The following RER1 variants were observed in gnomAD, a reference collection of about 807,000 sequenced individuals.
RER1 encodes the protein protein RER1.
RER1 carries 6 observed loss-of-function variants against 28.3 expected under a neutral mutation model. That is an observed-to-expected ratio of 0.21 (90% CI 0.12 to 0.42). The LOEUF is 0.42. Ranked by LOEUF, RER1 falls within the 10% of genes least tolerant of loss-of-function variation. RER1 has a pLI of 1.00. For synonymous variants in RER1, 110 were observed against 95.9 expected (o/e 1.15, Z -0.86); for missense variants, 159 against 252.9 (o/e 0.63, Z 2.52).
chr1:2,401,336 CTCCTTCT>C, intron 5 of RER1, among the ~76,000 whole-genome samples: 1 of 25,178 alleles, frequency 4.0e-5, no homozygotes, highest in Non-Finnish European at 8.2e-5. Context: ...CTCCTCCTCC[CTCCTTCT>C]CCCTCCTTCC....
At chr1:2,398,084 C>T (rs561661571) in intron 3 of RER1, among the ~76,000 whole-genome samples, 10 of 152,320 alleles carry the variant, frequency 6.6e-5, no homozygotes, top group African/African-American at 9.6e-5. Flanking sequence ...GAGCAGGGGG[C>T]GGGAAGAGTG....
At chr1:2,394,260 T>C (rs1169557090) in intron 1 of RER1, 1 of 152,256 alleles carries the variant, frequency 6.6e-6, no homozygotes, top group Non-Finnish European at 1.5e-5. Context: ...AGCCTGGCAC[T>C]CTGCACAGAG....
At chr1:2,396,376 C>T (rs2840532) in intron 2 of RER1, 86,337 of 154,738 alleles carry the variant, frequency 0.56, 24,619 homozygotes, top group Middle Eastern at 0.62. Context: ...CTTGGGTCAC[C>T]GGCAGTTCCA....
At chr1:2,400,568 C>G (rs2100404907) in intron 4 of RER1, among the ~76,000 whole-genome samples, 1 of 152,314 alleles carries the variant, frequency 6.6e-6, no homozygotes, top group Admixed American at 6.5e-5. Flanking sequence ...TTCTTCTGTG[C>G]CTTTACGTGG....
intron 4 of RER1, among the ~76,000 whole-genome samples, 164 bp downstream of exon 4, chr1:2,399,678 C>G (rs1000366264): frequency 6.6e-6 from 1 of 152,188 alleles, no homozygotes; most frequent in Non-Finnish European, 1.5e-5. Flanking sequence ...ACTCTTCAAA[C>G]CCTCCTGACA....
intron 5 of RER1, among the ~76,000 whole-genome samples, chr1:2,401,230 T>TCCC (rs1375271457): frequency 2.0e-4 from 13 of 65,910 alleles, no homozygotes; most frequent in Non-Finnish European, 3.6e-4. Flanking sequence ...TCCTCCTCCC[T>TCCC]TCCTCCCTCC....
intron 4 of RER1, among the ~76,000 whole-genome samples, chr1:2,400,170 G>T (rs906998405): frequency 6.6e-6 from 1 of 152,228 alleles, no homozygotes; most frequent in African/African-American, 2.4e-5. Context: ...GCCATTGAGG[G>T]AAAACCCACA....
chr1:2,402,912 G>A (rs959277068), intron 6 of RER1, 123 bp from the exon 7 acceptor site: 5 of 759,296 alleles, frequency 6.6e-6, no homozygotes, highest in Non-Finnish European at 1.1e-5. Flanking sequence ...AGCCACTGGG[G>A]CTCCGATTCC....
rs1642914052 is a variant in RER1 at position 2,403,887 on chromosome 1, C to CG, written c.*765dup. On this transcript the variant is annotated 3_prime_UTR_variant, in exon 7 of 7. Coordinates refer to ENST00000605895, the MANE Select transcript of RER1 (RefSeq NM_007033.5). Reference sequence around the variant, plus strand: ...AGACTGGCTTTGTAGGTTCAGCACTCGGCCCCCCACTGCGGGAGAGGCGGA... The same window carrying CG: ...AGACTGGCTTTGTAGGTTCAGCACTCGGGCCCCCCACTGCGGGAGAGGCGGA... 6.6e-6 allele frequency: 1 copy of CG among 152,434 alleles called. No individual in the cohort carries two copies. 9.4% of individuals were successfully genotyped at this position (152,434 alleles called of 1,614,324 possible). A position where few individuals can be genotyped will look rare whatever the true frequency, so the allele number is the denominator to read the frequency against.
Position 2,395,727 on chromosome 1 carries a change from A to G in RER1, c.-7-57A>G, listed in dbSNP as rs1340435388. ...TGACAGTGTTGGTGAAAATAGGGCC[A>G]GGATTTCACACCCGTGAATGCTTTT... On this transcript the variant is annotated intron_variant, in intron 1 of 6. Coordinates refer to ENST00000605895, the MANE Select transcript of RER1 (RefSeq NM_007033.5). 14 of 1,241,702 alleles carry G rather than the reference A, an allele frequency of 1.1e-5. No homozygotes were observed. The Admixed American group carries it at 2.2e-4, about 20-fold the overall frequency. The allele number at this position is 1,241,702 out of a possible 1,614,324, so 76.9% of individuals were successfully genotyped here.
intron 1 of RER1, among the ~76,000 whole-genome samples, chr1:2,393,791 A>G (rs1376366305): frequency 6.6e-6 from 1 of 152,148 alleles, no homozygotes; most frequent in African/African-American, 2.4e-5. Flanking sequence ...GCGTTCAGTC[A>G]GGGTGCAAGC....
intron 5 of RER1, 84 bp downstream of exon 5, chr1:2,401,019 A>T: frequency 8.3e-7 from 1 of 1,200,128 alleles, no homozygotes; most frequent in Non-Finnish European, 1.2e-6. Context: ...TGTTCAAGTC[A>T]CCTGAAAGAT....
chr1:2,396,453 G>A (rs765111709), intron 2 of RER1: 3 of 152,670 alleles, frequency 2.0e-5, no homozygotes, highest in Non-Finnish European at 2.9e-5. Flanking sequence ...AAAGCGATTG[G>A]CGATTAATGA....
rs1234561126 is a variant in RER1, at chr1:2,402,377, A to G, written c.501+35A>G. On this transcript the variant is annotated intron_variant, in intron 6 of 6. Coordinates refer to ENST00000605895, the MANE Select transcript of RER1 (RefSeq NM_007033.5). ...AGGCGCTGCCGCCACGCCGGCCGCA[A>G]TCGCTGTTCTGTTACCCGCAGCATT... 1.5e-5 allele frequency: 24 copies of G among 1,613,402 alleles called. No homozygotes were observed. In the Middle Eastern group the frequency reaches 6.6e-4, roughly 44 times the overall value.
intron 2 of RER1, chr1:2,396,145 C>T (rs1385794394): frequency 2.3e-6 from 1 of 427,196 alleles, no homozygotes; most frequent in Admixed American, 3.6e-5. Context: ...TCTCAGCTCC[C>T]AGGCAGGACA....
In RER1 at chr1:2,391,848, C is replaced by A. The variant is rs1048463908; in HGVS notation, c.-118C>A. ...CCGCGGAGGACGGAGCGGAAGTGCT[C>A]GCTGCAGCTTCCCGGAGCCGGAGCG... is the stretch of plus-strand genomic sequence containing the variant. On this transcript the variant is annotated 5_prime_UTR_variant, in exon 1 of 7. Transcript: ENST00000605895. 2 of 325,256 alleles carry A rather than the reference C, an allele frequency of 6.1e-6. No individual in the cohort carries two copies. Among genetic ancestry groups the A allele is most frequent in the East Asian group, 4.8e-5 (1 of 20,832 alleles). 20.1% of individuals were successfully genotyped at this position (325,256 alleles called of 1,614,324 possible).
chr1:2,399,300 A>G (rs1028095106), intron 3 of RER1, 115 bp from the exon 4 acceptor site: 20 of 743,452 alleles, frequency 2.7e-5, no homozygotes, highest in East Asian at 7.4e-5. Flanking sequence ...GTTTTGTGTT[A>G]AAACAAAGTT....
At chr1:2,395,936 C>A in intron 2 of RER1, 65 bp downstream of exon 2, 2 of 1,246,468 alleles carry the variant, frequency 1.6e-6, no homozygotes, top group Non-Finnish European at 2.4e-6. Flanking sequence ...CCAGCATTTT[C>A]GGGAAGGATC....
chr1:2,401,323 T>A (rs1642851998), intron 5 of RER1, among the ~76,000 whole-genome samples: 1 of 51,578 alleles, frequency 1.9e-5, no homozygotes, highest in South Asian at 9.4e-4. Flanking sequence ...CCCTCCTTCC[T>A]GCCTCCTCCT....
Sources: gnomAD v4.1 joint callset for allele counts (sites outside exome capture counted in the v4.1 genomes callset) on GRCh38, gnomAD v4.1.1 for gene constraint, MANE v1.5 for transcripts, NCBI Gene and HGNC (gene_info 2026-07-23, HGNC 2026-07-21) for gene names.